Variants in RAB37 observed in about 807,000 individuals in gnomAD.
RAB37 encodes the protein RAB37, member RAS oncogene family.
A neutral mutation model predicts 33.1 loss-of-function variants in RAB37; 29 were observed. The ratio of observed to expected loss-of-function variants is 0.88; its 90% confidence interval spans 0.65 to 1.20. The LOEUF (loss-of-function observed/expected upper bound fraction) is 1.20. Ranked by LOEUF, RAB37 falls within the 50% of genes most tolerant of loss-of-function variation. The pLI, the probability that RAB37 is intolerant of heterozygous loss-of-function variation, is 0.00. For missense variants in RAB37, 299 were observed against 301.1 expected, an observed-to-expected ratio of 0.99 and a Z score of 0.05; for synonymous variants, 128 against 119.5, an observed-to-expected ratio of 1.07 and a Z score of -0.47.
chr17:74,708,164 AAAAAGAAAAAGAAAG>A (rs1386044405), intron 1 of RAB37, among the ~76,000 whole-genome samples: 24 of 151,842 alleles, frequency 1.6e-4, no homozygotes, highest in Middle Eastern at 3.4e-3. Context: ...AAAAAAAAGA[AAAAAGAAAAAGAAAG>A]AAAAGAAAAA....
intron 1 of RAB37, among the ~76,000 whole-genome samples, chr17:74,708,742 CTG>C (rs1567798365): frequency 1.3e-5 from 2 of 152,074 alleles, no homozygotes; most frequent in African/African-American, 4.8e-5. Context: ...CGGTGAAACC[CTG>C]TCTCTACTAA....
rs528626975 is a variant in RAB37, at chr17:74,715,750, G to A, written c.73-13506G>A. On this transcript the variant is annotated intron_variant, in intron 1 of 7. Coordinates refer to the RAB37 transcript ENST00000340415. ...GAAACAAGAACAGAGAATTCAGGCC[G>A]GGCACGGTGGCTTACACCTGTGATC... Among the ~76,000 whole-genome samples the A allele has an allele frequency of 1.8e-4, 27 of 152,290 alleles. No homozygotes were observed. The South Asian group carries it at 3.3e-3, about 19-fold the overall frequency.
Position 74,695,631 on chromosome 17 carries a change from C to T in RAB37, c.72+23973C>T. On this transcript the variant is annotated intron_variant, in intron 1 of 7. Coordinates refer to the RAB37 transcript ENST00000340415. ...CCCACACCTGCCTCCTCTATGCCCA[C>T]ATGAGCAGGAGAAAGCCCACCCTCC... is the stretch of plus-strand genomic sequence containing the variant. 4.5e-6 allele frequency: 7 copies of T among 1,566,794 alleles called. No homozygotes were observed. The South Asian group carries it at 6.9e-5, about 15-fold the overall frequency.
intron 1 of RAB37, among the ~76,000 whole-genome samples, chr17:74,739,744 T>C (rs2034563981): frequency 1.3e-5 from 2 of 151,914 alleles, no homozygotes; most frequent in South Asian, 4.2e-4. Context: ...TTGGTCAGGC[T>C]GGTCTCAAAC....
intron 1 of RAB37, chr17:74,704,910 C>T (rs991009438): frequency 3.7e-5 from 36 of 984,838 alleles, no homozygotes; most frequent in Non-Finnish European, 5.0e-5. Flanking sequence ...CCAAGTTTCA[C>T]AGGTTAAATA....
intron 1 of RAB37, among the ~76,000 whole-genome samples, chr17:74,673,460 T>C (rs2031752650): frequency 6.7e-6 from 1 of 148,672 alleles, no homozygotes; most frequent in Non-Finnish European, 1.5e-5. Flanking sequence ...TAATTACAAA[T>C]CAATTACAAA....
At chr17:74,698,403 G>C in intron 1 of RAB37, 1 of 1,613,998 alleles carries the variant, frequency 6.2e-7, no homozygotes, top group Non-Finnish European at 8.5e-7. Flanking sequence ...TCCAAGCCAA[G>C]AGTGAGGCGG....
intron 1 of RAB37, among the ~76,000 whole-genome samples, chr17:74,688,351 A>T (rs991187351): frequency 1.3e-5 from 2 of 152,110 alleles, no homozygotes; most frequent in Non-Finnish European, 2.9e-5. Flanking sequence ...GGAGTTCGAG[A>T]CCAGCCTGGC....
At chr17:74,698,248 G>T (rs1598214664) in intron 1 of RAB37, 3 of 738,014 alleles carry the variant, frequency 4.1e-6, no homozygotes, top group East Asian at 2.7e-5. Context: ...GCTGCTGAGG[G>T]CCTTTGGGAC....
Position 74,729,231 on chromosome 17 carries a change from C to G in RAB37, c.73-25C>G. On this transcript the variant is annotated intron_variant, in intron 1 of 7. Transcript: ENST00000340415. The surrounding 1 kb of genome is among the most constrained non-coding windows in gnomAD (Gnocchi z 4.2). ...GCCAACTCACATCACAGGCCCTCAG[C>G]TCTCTCTCTATTGTTCCCTTCCAGA... is the stretch of plus-strand genomic sequence containing the variant. 8.3e-6 allele frequency: 13 copies of G among 1,561,358 alleles called. No individual in the cohort carries two copies. The highest frequency in any genetic ancestry group is 1.1e-5 in the Non-Finnish European group (13 of 1,132,002).
At chr17:74,728,533 T>G (rs557957926) in intron 1 of RAB37, among the ~76,000 whole-genome samples, 14 of 152,184 alleles carry the variant, frequency 9.2e-5, no homozygotes, top group African/African-American at 3.4e-4. Context: ...TCTCTGTGTG[T>G]GCATGTGTTT....
intron 1 of RAB37, among the ~76,000 whole-genome samples, chr17:74,687,569 G>C (rs2032078798): frequency 6.6e-6 from 1 of 152,172 alleles, no homozygotes; most frequent in Non-Finnish European, 1.5e-5. Context: ...TCAGGACAGA[G>C]CCATGTGAGG....
chr17:74,704,763 G>T (rs144985522), intron 1 of RAB37: 1 of 1,613,982 alleles, frequency 6.2e-7, no homozygotes, highest in Non-Finnish European at 8.5e-7. Context: ...AAGGAGCCCC[G>T]CTCCAAGCCA....
intron 1 of RAB37, chr17:74,677,555 A>C (rs763292228): frequency 1.3e-5 from 2 of 152,226 alleles, no homozygotes; most frequent in Non-Finnish European, 2.9e-5. Context: ...TTGTCAGCTC[A>C]GGAACAAACA....
chr17:74,736,994 C>T, upstream of RAB37: 1 of 1,590,508 alleles, frequency 6.3e-7, no homozygotes, highest in Admixed American at 1.7e-5. Context: ...CCACAGGGGA[C>T]CGGTCCCGGG....
At chr17:74,731,727 G>T (rs1410674618) in intron 2 of RAB37, among the ~76,000 whole-genome samples, 1 of 152,124 alleles carries the variant, frequency 6.6e-6, no homozygotes, top group Non-Finnish European at 1.5e-5. Context: ...CTTCACTCAG[G>T]CCAGGCGTGG....
At chr17:74,700,377 T>C (rs2032936537) in intron 1 of RAB37, among the ~76,000 whole-genome samples, 1 of 151,962 alleles carries the variant, frequency 6.6e-6, no homozygotes, top group East Asian at 1.9e-4. Flanking sequence ...TCCAGTTGCA[T>C]TTTTCTCCAG....
upstream of RAB37, chr17:74,736,779 G>A (rs778335112): frequency 2.6e-6 from 4 of 1,535,548 alleles, no homozygotes; most frequent in African/African-American, 2.7e-5. Flanking sequence ...AGCTCGGGCC[G>A]GGTGACTTAA....
chr17:74,728,683 C>T (rs1449782413), intron 1 of RAB37, among the ~76,000 whole-genome samples: 2 of 149,288 alleles, frequency 1.3e-5, no homozygotes, highest in Non-Finnish European at 3.0e-5. Context: ...TTTGTGTGTG[C>T]ATGTGTGTTC....
Sources: allele counts gnomAD v4.1 joint callset (sites outside exome capture counted in the v4.1 genomes callset), GRCh38; gene constraint gnomAD v4.1.1; non-coding constraint Gnocchi (gnomAD v3.1); transcripts MANE v1.5; gene names NCBI Gene and HGNC (gene_info 2026-07-23, HGNC 2026-07-21).